The following KCNK13 variants were observed in gnomAD, a reference collection of about 807,000 sequenced individuals.
The protein encoded by KCNK13 is potassium channel subfamily K member 13.
In KCNK13, 12 loss-of-function variants were observed where a neutral mutation model predicts 23.4. The observed-to-expected ratio is 0.51, with a 90% CI of 0.33 to 0.83. The LOEUF is 0.83. Ranked by LOEUF, KCNK13 falls within the 40% of genes least tolerant of loss-of-function variation. The pLI, the probability that KCNK13 is intolerant of heterozygous loss-of-function variation, is 0.02. For synonymous variants in KCNK13, 231 were observed against 229.5 expected (o/e 1.01, Z -0.06); for missense variants, 463 against 556.3 (o/e 0.83, Z 1.69).
rs1484469795 is a variant in KCNK13, at chr14:90,184,442, G to A, written c.666G>A (p.Trp222Ter). The change falls in exon 2 of 2, where the codon TGG (tryptophan) becomes TGA (stop). Residue 222 changes from tryptophan (W) to a stop codon, truncating the protein, a stop_gained. Coordinates refer to ENST00000282146, the MANE Select transcript of KCNK13 (RefSeq NM_022054.4). LOFTEE classifies it high-confidence loss of function. This position sits in a 1 kb window ranked among gnomAD's most constrained non-coding sequence, Gnocchi z 5.6. ...ASAMYTPIEG[W>*]SYFDSLYFCF... is the part of the protein sequence containing the mutation. ...CCATGTACACCCCCATTGAAGGCTG[G>A]AGCTACTTTGACTCACTCTACTTCT... 1.2e-6 allele frequency: 2 copies of A among 1,614,240 alleles called. No individual in the cohort carries two copies. The highest frequency in any genetic ancestry group is 1.7e-6 in the Non-Finnish European group (2 of 1,180,038).
chr14:90,076,216 A>G (rs1179621931), intron 1 of KCNK13, among the ~76,000 whole-genome samples: 2 of 152,232 alleles, frequency 1.3e-5, no homozygotes, highest in Non-Finnish European at 2.9e-5. Context: ...AGGAAACTCC[A>G]ATACCAATGG....
At chr14:90,118,496 A>G (rs1251811897) in intron 1 of KCNK13, among the ~76,000 whole-genome samples, 1 of 152,226 alleles carries the variant, frequency 6.6e-6, no homozygotes, top group Non-Finnish European at 1.5e-5. Context: ...AGCATGATTC[A>G]GTGCTTTATA....
intron 1 of KCNK13, among the ~76,000 whole-genome samples, chr14:90,145,896 G>C (rs897146321): frequency 2.6e-5 from 4 of 151,982 alleles, no homozygotes; most frequent in African/African-American, 7.3e-5. Context: ...AAATACTGGG[G>C]GGGTGGGGAG....
intron 1 of KCNK13, among the ~76,000 whole-genome samples, chr14:90,114,974 C>T (rs1004557702): frequency 6.6e-6 from 1 of 152,192 alleles, no homozygotes; most frequent in South Asian, 2.1e-4. Context: ...TTGGAGTGCC[C>T]TCCAACTGCG....
intron 1 of KCNK13, among the ~76,000 whole-genome samples, chr14:90,067,083 A>G (rs1889018621): frequency 6.6e-6 from 1 of 152,254 alleles, no homozygotes; most frequent in Non-Finnish European, 1.5e-5. Context: ...AGCCTGGCCA[A>G]TATGGTGAAA....
intron 1 of KCNK13, among the ~76,000 whole-genome samples, chr14:90,181,590 A>T (rs1037094936): frequency 2.0e-5 from 3 of 152,200 alleles, no homozygotes; most frequent in Admixed American, 1.3e-4. Flanking sequence ...AGTGGCCCAG[A>T]CATGTAGTGA....
chr14:90,113,762 G>A (rs1025680764), intron 1 of KCNK13, among the ~76,000 whole-genome samples: 4 of 152,154 alleles, frequency 2.6e-5, no homozygotes, highest in Non-Finnish European at 5.9e-5. Flanking sequence ...GTGAAACCCT[G>A]TCTCTACTAA....
chr14:90,125,070 T>C (rs1342769301), intron 1 of KCNK13, among the ~76,000 whole-genome samples: 2 of 152,032 alleles, frequency 1.3e-5, no homozygotes, highest in African/African-American at 4.8e-5. Context: ...TTACTGTAGA[T>C]GGAAGGAAAA....
At chr14:90,152,346 A>C (rs113670473) in intron 1 of KCNK13, among the ~76,000 whole-genome samples, 1 of 152,098 alleles carries the variant, frequency 6.6e-6, no homozygotes, top group Admixed American at 6.5e-5. Context: ...GACCAGCCTG[A>C]CCAACATGGT....
intron 1 of KCNK13, among the ~76,000 whole-genome samples, chr14:90,130,354 C>CTGTAAT (rs1889853507): frequency 6.6e-6 from 1 of 151,868 alleles, no homozygotes; most frequent in Non-Finnish European, 1.5e-5. Context: ...CACGCACCAC[C>CTGTAAT]ACGCCCGGCT....
intron 1 of KCNK13, among the ~76,000 whole-genome samples, chr14:90,125,429 T>C (rs1406399517): frequency 6.6e-6 from 1 of 152,004 alleles, no homozygotes; most frequent in Non-Finnish European, 1.5e-5. Flanking sequence ...TTCACCATGT[T>C]AGCCAGGATG....
chr14:90,179,353 A>G (rs1436826350), intron 1 of KCNK13, among the ~76,000 whole-genome samples: 1 of 151,580 alleles, frequency 6.6e-6, no homozygotes, highest in Non-Finnish European at 1.5e-5. Context: ...TTGAATTTTG[A>G]AAAAAAATAC....
chr14:90,144,928 G>A (rs558118137), intron 1 of KCNK13, among the ~76,000 whole-genome samples: 4 of 152,168 alleles, frequency 2.6e-5, no homozygotes, highest in South Asian at 2.1e-4. Flanking sequence ...TAATATTAGC[G>A]GTAGGGTTTT....
chr14:90,180,608 T>A (rs1890473752), intron 1 of KCNK13, among the ~76,000 whole-genome samples: 1 of 152,092 alleles, frequency 6.6e-6, no homozygotes, highest in African/African-American at 2.4e-5. Flanking sequence ...GTCATGATTA[T>A]CCCTCCTTTA....
intron 1 of KCNK13, among the ~76,000 whole-genome samples, chr14:90,125,599 GCA>G (rs35452662): frequency 0.077 from 4,985 of 64,530 alleles, 79 homozygotes; most frequent in Non-Finnish European, 0.084. Flanking sequence ...ACACACACAC[GCA>G]CACACACACA....
At chr14:90,123,502 T>A (rs1221228191) in intron 1 of KCNK13, among the ~76,000 whole-genome samples, 1 of 152,172 alleles carries the variant, frequency 6.6e-6, no homozygotes. Context: ...CCAAATACAG[T>A]CACATTCTGA....
chr14:90,170,361 C>T (rs149040119), intron 1 of KCNK13, among the ~76,000 whole-genome samples: 4 of 152,050 alleles, frequency 2.6e-5, no homozygotes, highest in African/African-American at 9.7e-5. Flanking sequence ...TTACAGGTGC[C>T]CACCACCACA....
At chr14:90,127,683 G>A (rs527365821) in intron 1 of KCNK13, among the ~76,000 whole-genome samples, 2 of 151,168 alleles carry the variant, frequency 1.3e-5, no homozygotes, top group African/African-American at 4.8e-5. Context: ...GTGAGGGGCA[G>A]TAATGTGCTC....
intron 1 of KCNK13, among the ~76,000 whole-genome samples, chr14:90,064,244 T>C (rs1264211196): frequency 6.6e-6 from 1 of 152,038 alleles, no homozygotes; most frequent in Non-Finnish European, 1.5e-5. Flanking sequence ...AAGTACAGGA[T>C]TTTTTTAGAT....
Sources: gnomAD v4.1 joint callset for allele counts (sites outside exome capture counted in the v4.1 genomes callset) on GRCh38, gnomAD v4.1.1 for gene constraint, Gnocchi (gnomAD v3.1) non-coding constraint, MANE v1.5 for transcripts, NCBI Gene and HGNC (gene_info 2026-07-23, HGNC 2026-07-21) for gene names.